Variants in OR51E2 observed in about 807,000 individuals in gnomAD.
OR51E2 encodes the protein olfactory receptor family 51 subfamily E member 2, also known as olfactory receptor 51E2.
Under a neutral mutation model 13.7 loss-of-function variants are expected in OR51E2, and 14 were observed. The ratio of observed to expected loss-of-function variants is 1.02; its 90% confidence interval spans 0.68 to 1.60. OR51E2 has a LOEUF of 1.60. Ranked by LOEUF, OR51E2 falls within the 40% of genes most tolerant of loss-of-function variation. The pLI is 0.00. For missense variants in OR51E2, 483 were observed against 413.8 expected, an observed-to-expected ratio of 1.17 and a Z score of -1.45; for synonymous variants, 180 against 157.6, an observed-to-expected ratio of 1.14 and a Z score of -1.07.
chr11:4,693,951 G>A (rs1193734690), intron 1 of OR51E2, among the ~76,000 whole-genome samples: 2 of 152,070 alleles, frequency 1.3e-5, no homozygotes, highest in Non-Finnish European at 2.9e-5. Context: ...CATATACAGC[G>A]ATGAATAATA....
At chr11:4,691,492 T>C (rs965288789) in intron 1 of OR51E2, 6 of 456,262 alleles carry the variant, frequency 1.3e-5, no homozygotes, top group African/African-American at 1.2e-4. Flanking sequence ...CCGAGGTCAG[T>C]GGCGGACAGC....
At chr11:4,691,105 C>G (rs982229591) in intron 1 of OR51E2, 2 of 456,728 alleles carry the variant, frequency 4.4e-6, no homozygotes, top group Non-Finnish European at 4.4e-6. Flanking sequence ...GTCAGCCCAA[C>G]TGCACTGTTG....
At chr11:4,693,281 A>G (rs946338859) in intron 1 of OR51E2, among the ~76,000 whole-genome samples, 19 of 152,240 alleles carry the variant, frequency 1.2e-4, no homozygotes, top group Non-Finnish European at 1.0e-4. Flanking sequence ...ACCAAAACAC[A>G]CTAAAAAGGA....
intron 1 of OR51E2, among the ~76,000 whole-genome samples, chr11:4,696,377 A>G (rs1847656912): frequency 6.6e-6 from 1 of 152,132 alleles, no homozygotes; most frequent in Admixed American, 6.5e-5. Context: ...ATGTGTGCAC[A>G]CACATACCCT....
At chr11:4,694,109 C>G (rs1319055073) in intron 1 of OR51E2, among the ~76,000 whole-genome samples, 1 of 152,172 alleles carries the variant, frequency 6.6e-6, no homozygotes, top group African/African-American at 2.4e-5. Context: ...AATTAAATTG[C>G]TATTTGAATA....
intron 1 of OR51E2, among the ~76,000 whole-genome samples, chr11:4,695,320 G>C (rs778654457): frequency 6.6e-6 from 1 of 152,044 alleles, no homozygotes; most frequent in African/African-American, 2.4e-5. Flanking sequence ...AGTGCCATTG[G>C]TTGCTTTTTT....
At chr11:4,688,158 T>C (rs1847536243) in intron 1 of OR51E2, among the ~76,000 whole-genome samples, 1 of 152,004 alleles carries the variant, frequency 6.6e-6, no homozygotes, top group African/African-American at 2.4e-5. Context: ...ATAAATAACA[T>C]ATATGTGATA....
intron 1 of OR51E2, among the ~76,000 whole-genome samples, chr11:4,688,537 T>C (rs1033541781): frequency 3.9e-5 from 6 of 152,206 alleles, no homozygotes; most frequent in African/African-American, 1.4e-4. Flanking sequence ...GCTTTTATAG[T>C]GACTGTGAAT....
In OR51E2 at chr11:4,681,872, C is replaced by G. The variant is rs1847454510; in HGVS notation, c.840G>C (p.Leu280=). The change falls in exon 2 of 2, where the codon CTG becomes CTC. Residue 280 remains leucine (L), a synonymous_variant. Transcript: ENST00000396950. ...TGGGATTGATGACAGGAGGCAGCAG[C>G]AGGTAGATGTCACCCATGACAACAC... The part of the protein sequence containing the change: ...IVRVVMGDIY[L]LLPPVINPII... 1 of 1,614,004 alleles carries G rather than the reference C, an allele frequency of 6.2e-7. No individual in the cohort carries two copies. The highest frequency in any genetic ancestry group is 1.1e-5 in the South Asian group (1 of 91,078).
At chr11:4,692,168 T>G in intron 1 of OR51E2, 1 of 452,980 alleles carries the variant, frequency 2.2e-6, no homozygotes, top group South Asian at 1.6e-5. Flanking sequence ...TGGTCATAAG[T>G]GTGGAAAGCA....
chr11:4,684,591 C>T (rs975118389), intron 1 of OR51E2, among the ~76,000 whole-genome samples: 2 of 152,094 alleles, frequency 1.3e-5, no homozygotes, highest in Non-Finnish European at 2.9e-5. Context: ...TGCCTTTTGC[C>T]CATGCTACCA....
intron 1 of OR51E2, among the ~76,000 whole-genome samples, chr11:4,685,627 A>G (rs1011076638): frequency 2.6e-5 from 4 of 152,260 alleles, no homozygotes; most frequent in African/African-American, 7.2e-5. Context: ...GATAAAGCCC[A>G]GATGATATGA....
At position 4,681,914 on chromosome 11, in the gene OR51E2, G is replaced by C; in HGVS notation, c.798C>G (p.Ser266Arg). ...GLSVVHRFGNSLHPIVRVVMG... is the reference protein window; with the variant it reads ...GLSVVHRFGNRLHPIVRVVMG... The stretch of plus-strand genomic sequence containing the variant: ...TGACAACACGCACAATGGGATGAAG[G>C]CTGTTTCCAAAGCGGTGTACCACTG... Residue 266 changes from serine to arginine, a missense_variant, in exon 2 of 2, where the codon AGC (serine) becomes AGG (arginine). Coordinates refer to ENST00000396950, the MANE Select transcript of OR51E2 (RefSeq NM_030774.4). 1 of 1,614,206 alleles carries C rather than the reference G, an allele frequency of 6.2e-7. No individual in the cohort carries two copies.
At chr11:4,694,432 C>A (rs1182237945) in intron 1 of OR51E2, among the ~76,000 whole-genome samples, 1 of 151,584 alleles carries the variant, frequency 6.6e-6, no homozygotes, top group Non-Finnish European at 1.5e-5. Flanking sequence ...TAGCTCCTAT[C>A]AACCAGAAAC....
intron 1 of OR51E2, among the ~76,000 whole-genome samples, chr11:4,694,935 G>A (rs542126457): frequency 1.3e-5 from 2 of 152,222 alleles, no homozygotes; most frequent in South Asian, 4.1e-4. Context: ...TTATAAGGAT[G>A]AAAAACAGGG....
Position 4,681,744 on chromosome 11 carries a change from A to G in OR51E2, c.*5T>C, listed in dbSNP as rs1425128370. The stretch of plus-strand genomic sequence containing the variant: ...TAAAGATAAGGAGAAGTGTAGTGTT[A>G]AGGGTCACTTGCCTCCCACAGCCTG... On this transcript the variant is annotated 3_prime_UTR_variant, in exon 2 of 2. Coordinates refer to ENST00000396950, the MANE Select transcript of OR51E2 (RefSeq NM_030774.4). 3.7e-6 allele frequency: 6 copies of G among 1,613,682 alleles called. No homozygotes were observed. Among genetic ancestry groups the G allele is most frequent in the African/African-American group, 1.3e-5 (1 of 75,040 alleles).
chr11:4,693,504 G>C (rs995037890), intron 1 of OR51E2, among the ~76,000 whole-genome samples: 1 of 152,132 alleles, frequency 6.6e-6, no homozygotes, highest in Non-Finnish European at 1.5e-5. Context: ...GGCGGATCAC[G>C]AGGTCAGGAG....
At chr11:4,685,222 C>G (rs1201261357) in intron 1 of OR51E2, 1 of 152,218 alleles carries the variant, frequency 6.6e-6, no homozygotes, top group East Asian at 1.9e-4. Flanking sequence ...ATCTCCATGT[C>G]CACTTGTGTG....
chr11:4,691,523 T>TG, intron 1 of OR51E2: 1 of 456,864 alleles, frequency 2.2e-6, no homozygotes, highest in South Asian at 1.6e-5. Flanking sequence ...AATAGTACAT[T>TG]GGTTCGTGGA....
Sources: gnomAD v4.1 joint callset for allele counts (sites outside exome capture counted in the v4.1 genomes callset) on GRCh38, gnomAD v4.1.1 for gene constraint, MANE v1.5 for transcripts, NCBI Gene and HGNC (gene_info 2026-07-23, HGNC 2026-07-21) for gene names.